The following RBFOX1 variants were observed in gnomAD, a reference collection of about 807,000 sequenced individuals.
RBFOX1 encodes the protein RNA binding protein fox-1 homolog 1.
In RBFOX1, 8 loss-of-function variants were observed where a neutral mutation model predicts 57.7. The observed-to-expected ratio is 0.14, with a 90% CI of 0.08 to 0.25. RBFOX1 has a LOEUF of 0.25. Among genes scored for constraint, RBFOX1 ranks in the 10% least tolerant of loss-of-function variants. The pLI, the probability that RBFOX1 is intolerant of heterozygous loss-of-function variation, is 1.00. For missense variants in RBFOX1, 611 were observed against 548.5 expected, an observed-to-expected ratio of 1.11 and a Z score of -1.14; for synonymous variants, 326 against 222.4, an observed-to-expected ratio of 1.47 and a Z score of -4.15.
chr16:5,395,721 G>T (rs2066533462), intron 1 of RBFOX1, among the ~76,000 whole-genome samples: 1 of 152,140 alleles, frequency 6.6e-6, no homozygotes, highest in Non-Finnish European at 1.5e-5. Flanking sequence ...TTGCACCTCT[G>T]ATTATGTTAA....
At chr16:5,981,669 A>G (rs1596338142) in intron 4 of RBFOX1, among the ~76,000 whole-genome samples, 2 of 152,106 alleles carry the variant, frequency 1.3e-5, no homozygotes, top group Non-Finnish European at 2.9e-5. Flanking sequence ...GGGTTTCACC[A>G]TATTGGTCAG....
chr16:7,602,804 G>C (rs1363206071), intron 9 of RBFOX1, among the ~76,000 whole-genome samples: 1 of 152,106 alleles, frequency 6.6e-6, no homozygotes, highest in Non-Finnish European at 1.5e-5. Flanking sequence ...TCAACACACG[G>C]AACATTGTCC....
chr16:5,651,589 G>C (rs959330735), intron 3 of RBFOX1, among the ~76,000 whole-genome samples: 5 of 152,102 alleles, frequency 3.3e-5, no homozygotes, highest in African/African-American at 1.2e-4. Flanking sequence ...ACCCCGTCCT[G>C]TCCTGTGTGT....
At chr16:5,919,099 A>G (rs1314235924) in intron 4 of RBFOX1, among the ~76,000 whole-genome samples, 1 of 152,198 alleles carries the variant, frequency 6.6e-6, no homozygotes, top group African/African-American at 2.4e-5. Context: ...ACCTGATAGC[A>G]CATAGGTACC....
chr16:5,578,653 A>C (rs1465170340), intron 2 of RBFOX1, among the ~76,000 whole-genome samples: 2 of 152,104 alleles, frequency 1.3e-5, no homozygotes, highest in Non-Finnish European at 2.9e-5. Context: ...CAGCTGTTAG[A>C]TCTAAGGCCT....
chr16:7,479,717 G>T lies in RBFOX1; in HGVS notation c.28-38430G>T, dbSNP rs189839222. 1.1e-4 allele frequency among the ~76,000 whole-genome samples: 16 copies of T among 152,234 alleles called. No individual in the cohort carries two copies. The East Asian group carries it at 1.5e-3, about 15-fold the overall frequency. ...CCGAGGGGAAGTGGGGCACCTGGAG[G>T]GGGGGCAGGTGTAGGTGATTGGAGC... On this transcript the variant is annotated intron_variant, in intron 4 of 15. Coordinates refer to ENST00000550418, the MANE Select transcript of RBFOX1 (RefSeq NM_018723.4).
At chr16:6,098,559 A>G (rs2096270875) in intron 1 of RBFOX1, among the ~76,000 whole-genome samples, 1 of 152,232 alleles carries the variant, frequency 6.6e-6, no homozygotes, top group African/African-American at 2.4e-5. Context: ...TTATAGAAGC[A>G]TTAGTCCTGC....
chr16:7,323,935 A>ATGAG (rs1023631364), intron 4 of RBFOX1, among the ~76,000 whole-genome samples: 9 of 152,036 alleles, frequency 5.9e-5, no homozygotes, highest in African/African-American at 2.2e-4. Context: ...TGGGTGGATG[A>ATGAG]TGAGTGGGTG....
chr16:6,884,391 A>G (rs1490314474), intron 3 of RBFOX1, among the ~76,000 whole-genome samples: 2 of 152,160 alleles, frequency 1.3e-5, no homozygotes, highest in African/African-American at 2.4e-5. Context: ...AGTCAATGCA[A>G]GCAACCACTT....
chr16:5,480,018 C>A (rs1026781461), intron 2 of RBFOX1, among the ~76,000 whole-genome samples: 3 of 152,118 alleles, frequency 2.0e-5, no homozygotes, highest in African/African-American at 7.2e-5. Flanking sequence ...ACAGGCCTGG[C>A]TTTCTCCTGT....
At chr16:5,284,866 C>A (rs1283558105) in intron 1 of RBFOX1, among the ~76,000 whole-genome samples, 1 of 140,214 alleles carries the variant, frequency 7.1e-6, no homozygotes, top group African/African-American at 2.6e-5. Flanking sequence ...TTATAAGGGA[C>A]TTCATGCTTT....
At chr16:6,141,600 C>T (rs2096716445) in intron 1 of RBFOX1, among the ~76,000 whole-genome samples, 1 of 152,144 alleles carries the variant, frequency 6.6e-6, no homozygotes. Flanking sequence ...CACCACTAAG[C>T]TGTGTTTATT....
At chr16:7,162,656 GAGAC>G in intron 4 of RBFOX1, among the ~76,000 whole-genome samples, 1 of 152,072 alleles carries the variant, frequency 6.6e-6, no homozygotes, top group Non-Finnish European at 1.5e-5. Flanking sequence ...TTGAACCTGG[GAGAC>G]AGAGGTTGCA....
Position 7,687,604 on chromosome 16 carries a change from C to T in RBFOX1, c.995+10766C>T, listed in dbSNP as rs187073452. 1.1e-3 allele frequency among the ~76,000 whole-genome samples: 160 copies of T among 151,934 alleles called. 1 individual carries two copies. Among genetic ancestry groups the T allele is most frequent in the Middle Eastern group, 6.8e-3 (2 of 294 alleles). On this transcript the variant is annotated intron_variant, in intron 14 of 15. Transcript: ENST00000550418. ...ACTCATGGCTGAGTTCCATATGGCA[C>T]GTCTAGCAATTTTAACAACAAGAAT... is the stretch of plus-strand genomic sequence containing the variant.
chr16:5,655,804 G>C (rs570408057), intron 3 of RBFOX1, among the ~76,000 whole-genome samples: 1 of 152,230 alleles, frequency 6.6e-6, no homozygotes, highest in African/African-American at 2.4e-5. Flanking sequence ...GTATGAATTA[G>C]GAGGAGGTGC....
intron 3 of RBFOX1, among the ~76,000 whole-genome samples, chr16:5,627,987 T>A (rs920945502): frequency 6.6e-6 from 1 of 152,222 alleles, no homozygotes; most frequent in Non-Finnish European, 1.5e-5. Context: ...GGCATTCTTA[T>A]AGCCTTAGGT....
chr16:5,844,144 T>C (rs1001140825), intron 3 of RBFOX1, among the ~76,000 whole-genome samples: 1 of 152,104 alleles, frequency 6.6e-6, no homozygotes, highest in Non-Finnish European at 1.5e-5. Flanking sequence ...TGTTTTGGAG[T>C]ACCAGGGACT....
intron 3 of RBFOX1, among the ~76,000 whole-genome samples, chr16:5,788,742 C>A (rs2054593608): frequency 6.6e-6 from 1 of 152,168 alleles, no homozygotes; most frequent in African/African-American, 2.4e-5. Flanking sequence ...TACACATACA[C>A]ATTCACACAC....
At position 6,390,216 on chromosome 16, in the gene RBFOX1, T is replaced by C. The variant is rs930190522; in HGVS notation, c.-64+73159T>C. On this transcript the variant is annotated intron_variant, in intron 2 of 15. Transcript: ENST00000550418. Reference sequence around the variant, plus strand: ...TTTATGCACATGCAATGGATGTATTTACATATCCGTAAACCTGAGTCTTTT... The same window carrying C: ...TTTATGCACATGCAATGGATGTATTCACATATCCGTAAACCTGAGTCTTTT... Among the ~76,000 whole-genome samples, 4 of 152,200 alleles carry C rather than the reference T, an allele frequency of 2.6e-5. No individual in the cohort carries two copies. In the East Asian group the frequency reaches 5.8e-4, roughly 22 times the overall value.
Sources: allele counts gnomAD v4.1 joint callset (sites outside exome capture counted in the v4.1 genomes callset), GRCh38; gene constraint gnomAD v4.1.1; transcripts MANE v1.5; gene names NCBI Gene and HGNC (gene_info 2026-07-23, HGNC 2026-07-21).